Variants in COG4 observed in about 807,000 individuals in gnomAD.
COG4 encodes conserved oligomeric Golgi complex subunit 4.
A neutral mutation model predicts 95.1 loss-of-function variants in COG4; 65 were observed. The observed-to-expected ratio is 0.68, with a 90% CI of 0.56 to 0.84. The LOEUF (loss-of-function observed/expected upper bound fraction) is 0.84. COG4 is among the 40% of genes least tolerant of loss of function. The pLI is 0.00. For missense variants in COG4, 1,045 were observed against 989.1 expected (o/e 1.06, Z -0.76); for synonymous variants, 421 against 374.8 (o/e 1.12, Z -1.42).
At chr16:70,521,688 C>G (rs2049945244) in intron 1 of COG4, among the ~76,000 whole-genome samples, 1 of 149,922 alleles carries the variant, frequency 6.7e-6, no homozygotes, top group Non-Finnish European at 1.5e-5. Flanking sequence ...AATGTTAAGT[C>G]AAGATACTAA....
At chr16:70,485,964 C>T (rs1445611467) in intron 13 of COG4, among the ~76,000 whole-genome samples, 4 of 148,644 alleles carry the variant, frequency 2.7e-5, no homozygotes, top group East Asian at 4.0e-4. Flanking sequence ...GGCTTGATCT[C>T]GGTTCACTGC....
chr16:70,512,368 C>T lies in COG4; in HGVS notation c.609G>A (p.Val203=). The part of the protein sequence containing the change: ...QEAEQRLKAI[V]AEKFAIATKE... ...TGGTGGCAATGGCAAACTTCTCTGC[C>T]ACAATGGCTTTGAGACGTTGCTCAG... The change falls in exon 5 of 19, where the codon GTG becomes GTA. Residue 203 remains valine (V), a synonymous_variant. Coordinates refer to ENST00000323786, the MANE Select transcript of COG4 (RefSeq NM_015386.3). 6.2e-7 allele frequency: 1 copy of T among 1,614,158 alleles called. No homozygotes were observed. The highest frequency in any genetic ancestry group is 8.5e-7 in the Non-Finnish European group (1 of 1,180,026).
intron 8 of COG4, among the ~76,000 whole-genome samples, chr16:70,508,117 C>G (rs906948004): frequency 1.3e-5 from 2 of 151,854 alleles, no homozygotes; most frequent in African/African-American, 4.8e-5. Flanking sequence ...GACGGGGTTT[C>G]ACCATATTGG....
At chr16:70,499,580 T>C (rs2049406509) in intron 9 of COG4, among the ~76,000 whole-genome samples, 2 of 152,244 alleles carry the variant, frequency 1.3e-5, no homozygotes, top group Non-Finnish European at 2.9e-5. Flanking sequence ...CTTACTTTAG[T>C]AGCCAGCAGG....
intron 1 of COG4, among the ~76,000 whole-genome samples, chr16:70,521,784 C>G (rs1430267230): frequency 1.3e-5 from 2 of 150,496 alleles, no homozygotes; most frequent in Non-Finnish European, 2.9e-5. Context: ...TCACTGCAAG[C>G]TCCTTCTCCC....
At chr16:70,493,862 G>A (rs899307283) in intron 12 of COG4, among the ~76,000 whole-genome samples, 2 of 152,172 alleles carry the variant, frequency 1.3e-5, no homozygotes, top group African/African-American at 4.8e-5. Flanking sequence ...CCCACTGCCT[G>A]TAAACTGGTC....
chr16:70,501,483 T>G (rs927163577), intron 8 of COG4: 1 of 245,772 alleles, frequency 4.1e-6, no homozygotes, highest in African/African-American at 2.3e-5. Context: ...GCCTCCTGAG[T>G]AGCTGGGACT....
At chr16:70,507,051 T>C (rs1272505474) in intron 8 of COG4, among the ~76,000 whole-genome samples, 1 of 151,838 alleles carries the variant, frequency 6.6e-6, no homozygotes, top group Non-Finnish European at 1.5e-5. Context: ...ACCTCGTCTC[T>C]ACAAAAAATA....
chr16:70,491,104 G>A (rs942059551), intron 12 of COG4, among the ~76,000 whole-genome samples: 1 of 152,148 alleles, frequency 6.6e-6, no homozygotes, highest in African/African-American at 2.4e-5. Flanking sequence ...AGCTTCCAGA[G>A]AGCCTGCCAC....
chr16:70,504,159 A>C (rs540523212), intron 8 of COG4, among the ~76,000 whole-genome samples: 1 of 152,218 alleles, frequency 6.6e-6, no homozygotes, highest in South Asian at 2.1e-4. Flanking sequence ...TTTATGGATT[A>C]AATCAGTGAT....
Position 70,481,779 on chromosome 16 carries a change from T to C in COG4, c.2091A>G (p.Lys697=). The C allele has an allele frequency of 6.2e-7, 1 of 1,613,932 alleles. No individual in the cohort carries two copies. Among genetic ancestry groups the C allele is most frequent in the Non-Finnish European group, 8.5e-7 (1 of 1,179,912 alleles). Residue 697 remains lysine (K), a synonymous_variant, in exon 17 of 19, where the codon AAA becomes AAG. Transcript: ENST00000323786. ...TTTACCTTACCCGGTTAAAGGTGGA[T>C]TTCAGCACCACTTTCTCCAACTCGA... ...VAVELEKVVL[K]STFNRLGGLQ... is the part of the protein sequence containing the mutation.
chr16:70,497,417 G>C (rs779277254), intron 10 of COG4, 30 bp from the exon 11 acceptor site: 26 of 1,607,086 alleles, frequency 1.6e-5, no homozygotes, highest in Non-Finnish European at 2.2e-5. Flanking sequence ...AACACTGAGG[G>C]TCCCAGTTGT....
chr16:70,481,832 T>C lies in COG4; in HGVS notation c.2038A>G (p.Thr680Ala). ...SLSPVIYDSL[T>A]GLMTSLVAVE... Reference sequence around the variant, plus strand: ...GCAACAAGGCTAGTCATGAGGCCGGTTAGGCTGTCGTAGATGACCGGGGAC... The same window carrying C: ...GCAACAAGGCTAGTCATGAGGCCGGCTAGGCTGTCGTAGATGACCGGGGAC... The change falls in exon 17 of 19, where the codon ACC becomes GCC. Residue 680 changes from threonine to alanine, a missense_variant. By Grantham distance (58) the Thr-to-Ala change is moderately conservative. Transcript: ENST00000323786. 1 of 1,614,030 alleles carries C rather than the reference T, an allele frequency of 6.2e-7. No individual in the cohort carries two copies. Among genetic ancestry groups the C allele is most frequent in the South Asian group, 1.1e-5 (1 of 91,056 alleles).
At chr16:70,509,019 T>C in intron 7 of COG4, 1 of 631,214 alleles carries the variant, frequency 1.6e-6, no homozygotes, top group East Asian at 2.8e-5. Flanking sequence ...TTATTTCCGT[T>C]TTGGTCTTGA....
At chr16:70,506,610 AAAAAAAAC>A (rs564531775) in intron 8 of COG4, among the ~76,000 whole-genome samples, 2,406 of 58,572 alleles carry the variant, frequency 0.041, 481 homozygotes, top group African/African-American at 0.15. Context: ...AAAAAAAAAA[AAAAAAAAC>A]AAAAAAAAAA....
At position 70,500,913 on chromosome 16, in the gene COG4, CA is replaced by C. The variant is rs771776788; in HGVS notation, c.1195+44del. The stretch of plus-strand genomic sequence containing the variant: ...TGGCTTAACTATTAAGAAACACTGC[CA>C]ATTATACCTCAACCCTCCCCAAAAA... On this transcript the variant is annotated intron_variant, in intron 9 of 18. Transcript: ENST00000323786. 26 of 1,611,480 alleles carry C rather than the reference CA, an allele frequency of 1.6e-5. 2 individuals are homozygous for C. In the South Asian group the frequency reaches 2.9e-4, roughly 18 times the overall value.
chr16:70,494,573 G>A (rs1483596529), intron 12 of COG4, among the ~76,000 whole-genome samples: 2 of 152,150 alleles, frequency 1.3e-5, no homozygotes, highest in Non-Finnish European at 1.5e-5. Flanking sequence ...CTCACAGAGC[G>A]AATATGCACT....
intron 8 of COG4, among the ~76,000 whole-genome samples, chr16:70,506,276 G>A (rs984822698): frequency 5.3e-5 from 8 of 151,776 alleles, no homozygotes; most frequent in Non-Finnish European, 1.2e-4. Context: ...GGTGGTGGGC[G>A]ACTGTAGTCC....
intron 13 of COG4, among the ~76,000 whole-genome samples, chr16:70,486,178 A>C (rs946853829): frequency 6.6e-6 from 1 of 152,186 alleles, no homozygotes; most frequent in African/African-American, 2.4e-5. Context: ...TACAGGCGTG[A>C]GCCACCGCGC....
Sources: gnomAD v4.1 joint callset for allele counts (sites outside exome capture counted in the v4.1 genomes callset) on GRCh38, gnomAD v4.1.1 for gene constraint, MANE v1.5 for transcripts, NCBI Gene and HGNC (gene_info 2026-07-23, HGNC 2026-07-21) for gene names.